Variants in MECR observed in about 807,000 individuals in gnomAD.
MECR encodes enoyl-[acyl-carrier-protein] reductase, mitochondrial.
MECR carries 37 observed loss-of-function variants against 49.1 expected under a neutral mutation model. The ratio of observed to expected loss-of-function variants is 0.75; its 90% confidence interval spans 0.58 to 0.99. The LOEUF is 0.99. Ranked by LOEUF, MECR falls within the 50% of genes least tolerant of loss-of-function variation. The pLI is 0.00. For missense variants in MECR, 470 were observed against 479.6 expected (o/e 0.98, Z 0.19); for synonymous variants, 198 against 191.1 (o/e 1.04, Z -0.30).
Position 29,196,005 on chromosome 1 carries a change from G to A in MECR, c.900C>T (p.Leu300=). The A allele has an allele frequency of 6.2e-7, 1 of 1,614,218 alleles. No individual in the cohort carries two copies. Among genetic ancestry groups the A allele is most frequent in the Non-Finnish European group, 8.5e-7 (1 of 1,180,036 alleles). ...CTCGAAGTTTGAGATCCTTAAAAAT[G>A]AGCAGGCTCTGCAGACACAGGAAGG... ...KQPVVASVSL[L]IFKDLKLRGF... is the part of the protein sequence containing the mutation. The change falls in exon 9 of 10, where the codon CTC becomes CTT. Residue 300 remains leucine (L), a synonymous_variant. Coordinates refer to ENST00000263702, the MANE Select transcript of MECR (RefSeq NM_016011.5).
rs112128021 is a variant in MECR at position 29,216,900 on chromosome 1, C to T, written c.177-215G>A. On this transcript the variant is annotated intron_variant, in intron 1 of 9. Coordinates refer to ENST00000263702, the MANE Select transcript of MECR (RefSeq NM_016011.5). ...CTGTAATCCCAGCACTTTGGAAGGC[C>T]GAGACAGGCGGATAACCTGAGGTCA... 1.9e-5 allele frequency: 21 copies of T among 1,094,590 alleles called. No homozygotes were observed. In the African/African-American group the frequency reaches 1.9e-4, roughly 10 times the overall value. 67.8% of individuals were successfully genotyped at this position (1,094,590 alleles called of 1,614,324 possible).
chr1:29,229,505 T>C (rs1446732119), intron 1 of MECR, among the ~76,000 whole-genome samples: 1 of 152,222 alleles, frequency 6.6e-6, no homozygotes, highest in Non-Finnish European at 1.5e-5. Context: ...TGCCCAGCTC[T>C]AGCCTGAATT....
At chr1:29,215,872 A>AAAAT (rs992060561) in intron 3 of MECR, 133 bp downstream of exon 3, 9 of 1,133,316 alleles carry the variant, frequency 7.9e-6, no homozygotes, top group South Asian at 6.8e-5. Flanking sequence ...ACTCCGTCTC[A>AAAAT]AAATAAATAA....
intron 4 of MECR, among the ~76,000 whole-genome samples, chr1:29,204,515 T>A (rs1361349061): frequency 6.6e-6 from 1 of 152,096 alleles, no homozygotes; most frequent in African/African-American, 2.4e-5. Flanking sequence ...ATGTCACACA[T>A]AGTAAGGGTA....
chr1:29,172,158 T>C, the MECR span: 5 of 152,180 alleles, frequency 3.3e-5, no homozygotes, highest in African/African-American at 9.7e-5. Flanking sequence ...AAAAAAAAAT[T>C]TGATCACATT....
chr1:29,192,086 G>A (rs1230479718), downstream of MECR, among the ~76,000 whole-genome samples: 1 of 151,252 alleles, frequency 6.6e-6, no homozygotes, highest in African/African-American at 2.4e-5. Flanking sequence ...GTGAGACTTC[G>A]TCTCAAAAAA....
chr1:29,183,532 A>T, the MECR span, among the ~76,000 whole-genome samples: 1 of 152,104 alleles, frequency 6.6e-6, no homozygotes, highest in Non-Finnish European at 1.5e-5. Flanking sequence ...AAACTTTTTG[A>T]TCTTTGCCAA....
chr1:29,186,310 G>A, the MECR span, among the ~76,000 whole-genome samples: 33 of 152,276 alleles, frequency 2.2e-4, no homozygotes, highest in Non-Finnish European at 4.0e-4. Context: ...GCTTTGATAT[G>A]CGCTACTTCC....
At chr1:29,182,589 G>A in the MECR span, among the ~76,000 whole-genome samples, 12 of 151,992 alleles carry the variant, frequency 7.9e-5, no homozygotes, top group Non-Finnish European at 1.5e-4. Flanking sequence ...GGTCGCCCAG[G>A]CTGGAGTGCA....
rs1172464384 is a variant in MECR, at chr1:29,201,472, T to G, written c.756+471A>C. ...CTCTCTGGAGCCCTTATAAACTATATGATTTTGGTTAAGCATTTCCTCTTT... is the reference window on the plus strand; with the variant it reads ...CTCTCTGGAGCCCTTATAAACTATAGGATTTTGGTTAAGCATTTCCTCTTT... On this transcript the variant is annotated intron_variant, in intron 6 of 9. Coordinates refer to ENST00000263702, the MANE Select transcript of MECR (RefSeq NM_016011.5). This position sits in a 1 kb window ranked among gnomAD's most constrained non-coding sequence, Gnocchi z 4.3. The G allele has an allele frequency of 2.0e-6, 1 of 500,712 alleles. No homozygotes were observed. Among genetic ancestry groups the G allele is most frequent in the African/African-American group, 1.9e-5 (1 of 51,380 alleles). 31.0% of individuals were successfully genotyped at this position (500,712 alleles called of 1,614,324 possible). A position where few individuals can be genotyped will look rare whatever the true frequency, so the allele number is the denominator to read the frequency against.
At chr1:29,190,735 GCCGAGATTGCACCA>G (rs2151835080), downstream of MECR, among the ~76,000 whole-genome samples, 1 of 151,000 alleles carries the variant, frequency 6.6e-6, no homozygotes, top group Non-Finnish European at 1.5e-5. Context: ...ATTGCAGTGA[GCCGAGATTGCACCA>G]CTGCACTCCA....
At chr1:29,225,990 G>A (rs1309712281) in intron 1 of MECR, among the ~76,000 whole-genome samples, 3 of 151,966 alleles carry the variant, frequency 2.0e-5, no homozygotes, top group South Asian at 2.1e-4. Context: ...CCAACATGGC[G>A]AAACCCTGTC....
intron 1 of MECR, chr1:29,228,929 A>G (rs1443220253): frequency 6.6e-6 from 1 of 152,194 alleles, no homozygotes; most frequent in African/African-American, 2.4e-5. Context: ...AGTCCGTGGG[A>G]GAGACACTAC....
chr1:29,230,783 G>A lies in MECR; in HGVS notation c.124C>T (p.Arg42Trp), dbSNP rs1176794445. The change falls in exon 1 of 10, where the codon CGG (arginine) becomes TGG (tryptophan). Residue 42 changes from arginine to tryptophan, a missense_variant. Coordinates refer to ENST00000263702, the MANE Select transcript of MECR (RefSeq NM_016011.5). Reference protein sequence around the residue: ...SSYSASAEPARVRALVYGHHG... With the variant: ...SSYSASAEPAWVRALVYGHHG... ...TGCCCATAGACAAGCGCCCGGACCCGGGCAGGCTCGGCGGATGCGGAGTAG... is the reference window on the plus strand; with the variant it reads ...TGCCCATAGACAAGCGCCCGGACCCAGGCAGGCTCGGCGGATGCGGAGTAG... The A allele has an allele frequency of 2.5e-6, 4 of 1,603,820 alleles. No individual in the cohort carries two copies. The highest frequency in any genetic ancestry group is 2.3e-5 in the East Asian group (1 of 44,442).
At position 29,216,035 on chromosome 1, in the gene MECR, C is replaced by T. The variant is rs1679312871; in HGVS notation, c.376G>A (p.Asp126Asn). Reference sequence around the variant, plus strand: ...CCAGCATTTGCTGGAATCACCCAGTCTCCTGGCTTCAGCCCGGTCACATTG... The same window carrying T: ...CCAGCATTTGCTGGAATCACCCAGTTTCCTGGCTTCAGCCCGGTCACATTG... ...GSNVTGLKPG[D>N]WVIPANAGLG... The change falls in exon 3 of 10, where the codon GAC becomes AAC. Residue 126 changes from aspartate to asparagine, a missense_variant. Coordinates refer to ENST00000263702, the MANE Select transcript of MECR (RefSeq NM_016011.5). The T allele has an allele frequency of 1.2e-6, 2 of 1,614,066 alleles. No individual in the cohort carries two copies. The highest frequency in any genetic ancestry group is 1.7e-6 in the Non-Finnish European group (2 of 1,180,008).
the MECR span, among the ~76,000 whole-genome samples, chr1:29,176,777 A>T: frequency 6.6e-6 from 1 of 152,160 alleles, no homozygotes; most frequent in Non-Finnish European, 1.5e-5. Context: ...GAAAACAAAA[A>T]TTTTCTGGTA....
At chr1:29,187,597 A>T in the MECR span, among the ~76,000 whole-genome samples, 6 of 149,122 alleles carry the variant, frequency 4.0e-5, no homozygotes, top group East Asian at 4.1e-4. Context: ...CATTTATCAA[A>T]TTTTTTTTCC....
At chr1:29,183,966 G>A in the MECR span, among the ~76,000 whole-genome samples, 3 of 149,462 alleles carry the variant, frequency 2.0e-5, no homozygotes, top group Admixed American at 1.4e-4. Context: ...TGCAACCTAC[G>A]CCTTCTGGGT....
chr1:29,192,918 C>G lies in MECR; in HGVS notation c.*1104G>C, dbSNP rs147429063. On this transcript the variant is annotated 3_prime_UTR_variant, in exon 10 of 10. Transcript: ENST00000263702. ...GTTTAATGCACGGTTTATCAACGAC[C>G]TCATGAACATTGAACATTTGGGGCT... 8 of 151,882 alleles carry G rather than the reference C, an allele frequency of 5.3e-5. No homozygotes were observed. The highest frequency in any genetic ancestry group is 1.9e-4 in the African/African-American group (8 of 41,434). The allele number at this position is 151,882 out of a possible 1,614,324, so 9.4% of individuals were successfully genotyped here. A position where few individuals can be genotyped will look rare whatever the true frequency, so the allele number is the denominator to read the frequency against.
Sources: allele counts gnomAD v4.1 joint callset (sites outside exome capture counted in the v4.1 genomes callset), GRCh38; gene constraint gnomAD v4.1.1; non-coding constraint Gnocchi (gnomAD v3.1); transcripts MANE v1.5; gene names NCBI Gene and HGNC (gene_info 2026-07-23, HGNC 2026-07-21).